The following SVOP variants were observed in gnomAD, a reference collection of about 807,000 sequenced individuals.
SVOP encodes synaptic vesicle 2-related protein.
SVOP carries 17 observed loss-of-function variants against 69.1 expected under a neutral mutation model. That is an observed-to-expected ratio of 0.25 (90% CI 0.17 to 0.37). The LOEUF is 0.37. Among genes scored for constraint, SVOP ranks in the 10% least tolerant of loss-of-function variants. The probability of loss-of-function intolerance (pLI) is 1.00; values close to 1 mark genes in which losing one functional copy is unlikely to be tolerated. For missense variants in SVOP, 435 were observed against 597.5 expected, an observed-to-expected ratio of 0.73 and a Z score of 2.84; for synonymous variants, 238 against 238.6, an observed-to-expected ratio of 1.00 and a Z score of 0.02.
At chr12:108,941,672 C>CT (rs1030982243) in intron 7 of SVOP, among the ~76,000 whole-genome samples, 5 of 148,780 alleles carry the variant, frequency 3.4e-5, no homozygotes, top group Admixed American at 3.3e-4. Flanking sequence ...TTTTTTTTTT[C>CT]TTTTTTTGAG....
intron 1 of SVOP, among the ~76,000 whole-genome samples, chr12:108,992,844 A>T (rs891522666): frequency 3.3e-5 from 5 of 152,064 alleles, no homozygotes; most frequent in African/African-American, 9.7e-5. Flanking sequence ...ACCTTGTAAA[A>T]CTGCACACTT....
intron 10 of SVOP, 156 bp downstream of exon 10, chr12:108,937,108 G>C: frequency 1.4e-6 from 1 of 717,874 alleles, no homozygotes; most frequent in South Asian, 1.6e-5. Context: ...ATGATAACCT[G>C]GATATGACGG....
intron 10 of SVOP, among the ~76,000 whole-genome samples, chr12:108,935,122 A>T (rs1186813308): frequency 6.6e-6 from 1 of 152,196 alleles, no homozygotes. Flanking sequence ...GAAAAATGGG[A>T]CCAACCTCTG....
Position 108,908,666 on chromosome 12 carries a change from A to T in SVOP, c.*3869T>A, listed in dbSNP as rs981635119. On this transcript the variant is annotated 3_prime_UTR_variant, in exon 16 of 16. Transcript: ENST00000610966. ...TCTTATAATAAAGCTCTGTTCCTTA[A>T]TTTTAATTATCCTGAGTAGAATTTC... The T allele has an allele frequency of 1.3e-5, 2 of 152,148 alleles. No individual in the cohort carries two copies. The highest frequency in any genetic ancestry group is 6.5e-5 in the Admixed American group (1 of 15,282). The allele number at this position is 152,148 out of a possible 1,614,324, so 9.4% of individuals were successfully genotyped here.
At chr12:108,963,402 T>A (rs2040027513) in intron 5 of SVOP, among the ~76,000 whole-genome samples, 1 of 152,244 alleles carries the variant, frequency 6.6e-6, no homozygotes, top group Non-Finnish European at 1.5e-5. Context: ...AAAGTTATTT[T>A]TTTCATTTCA....
At chr12:108,928,187 A>C (rs185627747) in intron 11 of SVOP, among the ~76,000 whole-genome samples, 42 of 152,256 alleles carry the variant, frequency 2.8e-4, no homozygotes, top group African/African-American at 9.4e-4. Context: ...TACAGGTGTG[A>C]GCCACCATGC....
At chr12:109,007,764 C>G (rs1403386962) in intron 1 of SVOP, among the ~76,000 whole-genome samples, 1 of 152,100 alleles carries the variant, frequency 6.6e-6, no homozygotes, top group African/African-American at 2.4e-5. Flanking sequence ...TTTCAGCCAG[C>G]ACAGTGGCTC....
chr12:108,958,940 C>T (rs1309439134), intron 6 of SVOP, among the ~76,000 whole-genome samples: 1 of 152,116 alleles, frequency 6.6e-6, no homozygotes, highest in Non-Finnish European at 1.5e-5. Context: ...CAGCTTCCCC[C>T]TTCGCTGGTC....
chr12:108,933,919 T>C (rs1229567424), intron 11 of SVOP, among the ~76,000 whole-genome samples: 6 of 152,176 alleles, frequency 3.9e-5, no homozygotes. Flanking sequence ...TCAGATAAAC[T>C]CTTCAAAATT....
chr12:108,914,151 C>T (rs1459833520), intron 15 of SVOP, among the ~76,000 whole-genome samples: 4 of 152,226 alleles, frequency 2.6e-5, no homozygotes, highest in Non-Finnish European at 4.4e-5. Context: ...AATATTCAGA[C>T]TTGGCAAATC....
chr12:108,941,133 C>T (rs2039889078), intron 7 of SVOP, among the ~76,000 whole-genome samples: 1 of 152,272 alleles, frequency 6.6e-6, no homozygotes, highest in Admixed American at 6.5e-5. Context: ...TTGCATGGCA[C>T]CTGCTGGAGC....
chr12:108,984,996 G>A (rs1170889889), intron 1 of SVOP, among the ~76,000 whole-genome samples: 3 of 152,310 alleles, frequency 2.0e-5, no homozygotes, highest in East Asian at 3.9e-4. Flanking sequence ...GGAGGCTGAG[G>A]AGGGAGGATT....
intron 2 of SVOP, among the ~76,000 whole-genome samples, chr12:108,980,065 A>G (rs1307047281): frequency 4.6e-5 from 7 of 152,100 alleles, no homozygotes; most frequent in Admixed American, 1.3e-4. Flanking sequence ...GGTCCTAGCT[A>G]CCTGGGAGGC....
At chr12:109,011,544 G>A (rs1032281250) in intron 1 of SVOP, among the ~76,000 whole-genome samples, 9 of 152,130 alleles carry the variant, frequency 5.9e-5, no homozygotes, top group African/African-American at 2.2e-4. Flanking sequence ...ACCTCCTCTG[G>A]TCCTGTGTCT....
chr12:109,007,363 AT>A (rs1273081258), intron 1 of SVOP, among the ~76,000 whole-genome samples: 7 of 152,178 alleles, frequency 4.6e-5, no homozygotes, highest in Admixed American at 2.0e-4. Flanking sequence ...GAGCTGTAGG[AT>A]TTGAGAAGAG....
intron 1 of SVOP, among the ~76,000 whole-genome samples, chr12:109,004,162 G>T (rs1431228643): frequency 1.3e-5 from 2 of 152,054 alleles, no homozygotes; most frequent in Non-Finnish European, 2.9e-5. Flanking sequence ...AATAGCAGTG[G>T]CATATGTTAA....
chr12:109,014,611 C>CTGCCA (rs1420214905), intron 1 of SVOP, among the ~76,000 whole-genome samples: 1 of 152,208 alleles, frequency 6.6e-6, no homozygotes, highest in Non-Finnish European at 1.5e-5. Context: ...ATTTGAGGAA[C>CTGCCA]TGCCATACTC....
At position 108,987,771 on chromosome 12, in the gene SVOP, C is replaced by T. The variant is rs543205805; in HGVS notation, c.36-4010G>A. Among the ~76,000 whole-genome samples the T allele has an allele frequency of 5.3e-5, 8 of 152,216 alleles. No individual in the cohort carries two copies. The South Asian group carries it at 1.5e-3, about 28-fold the overall frequency. ...ATTGAAGTCCTTTGCCTATTTTAAA[C>T]TTGGGTTGTTTGACTTCTTGTTGTT... On this transcript the variant is annotated intron_variant, in intron 1 of 15. Coordinates refer to ENST00000610966, the MANE Select transcript of SVOP (RefSeq NM_018711.5).
intron 5 of SVOP, among the ~76,000 whole-genome samples, chr12:108,966,520 G>T (rs773375070): frequency 2.0e-5 from 3 of 151,858 alleles, no homozygotes; most frequent in Non-Finnish European, 2.9e-5. Context: ...GGTTCTCGGT[G>T]GTTGCCAAGG....
Sources: gnomAD v4.1 joint callset for allele counts (sites outside exome capture counted in the v4.1 genomes callset) on GRCh38, gnomAD v4.1.1 for gene constraint, MANE v1.5 for transcripts, NCBI Gene and HGNC (gene_info 2026-07-23, HGNC 2026-07-21) for gene names.